The following OLA1 variants were observed in gnomAD, a reference collection of about 807,000 sequenced individuals.
OLA1 encodes obg-like ATPase 1.
In OLA1, 14 loss-of-function variants were observed where a neutral mutation model predicts 48.4. The observed-to-expected ratio is 0.29, with a 90% confidence interval of 0.19 to 0.45. The LOEUF (loss-of-function observed/expected upper bound fraction) is 0.45, where lower values mean the gene tolerates loss of function less well. OLA1 is among the 20% of genes least tolerant of loss of function. The probability of loss-of-function intolerance (pLI) is 1.00; values close to 1 mark genes in which losing one functional copy is unlikely to be tolerated. For synonymous variants in OLA1, 127 were observed against 150.4 expected (o/e 0.84, Z 1.14); for missense variants, 325 against 467.1 (o/e 0.70, Z 2.80).
chr2:174,237,190 T>A (rs13423892), intron 2 of OLA1, among the ~76,000 whole-genome samples: 6,940 of 152,098 alleles, frequency 0.046, 568 homozygotes, highest in African/African-American at 0.16. Context: ...GTGCTTTTTT[T>A]AAAAACTTTT....
At chr2:174,087,162 G>T (rs889894617) in intron 7 of OLA1, among the ~76,000 whole-genome samples, 1 of 151,774 alleles carries the variant, frequency 6.6e-6, no homozygotes, top group Non-Finnish European at 1.5e-5. Context: ...GAGTAGCTGG[G>T]ATTACAGGTG....
intron 4 of OLA1, among the ~76,000 whole-genome samples, chr2:174,150,088 G>C (rs565651764): frequency 3.2e-4 from 49 of 152,170 alleles, no homozygotes; most frequent in Non-Finnish European, 6.5e-4. Flanking sequence ...TGTGTTCCGC[G>C]AAAGTTCATG....
intron 2 of OLA1, among the ~76,000 whole-genome samples, chr2:174,237,999 T>C (rs2105463029): frequency 6.6e-6 from 1 of 152,320 alleles, no homozygotes; most frequent in Non-Finnish European, 1.5e-5. Flanking sequence ...GGGACCTCCG[T>C]CATATATGCA....
At chr2:174,185,094 CA>C (rs1264755960) in intron 4 of OLA1, among the ~76,000 whole-genome samples, 1 of 152,144 alleles carries the variant, frequency 6.6e-6, no homozygotes, top group Non-Finnish European at 1.5e-5. Flanking sequence ...TAGTCATTCA[CA>C]GATTCAGGTA....
intron 5 of OLA1, among the ~76,000 whole-genome samples, chr2:174,133,492 C>G (rs185691613): frequency 3.9e-5 from 6 of 152,340 alleles, no homozygotes; most frequent in South Asian, 2.1e-4. Flanking sequence ...TTCCAAGTAG[C>G]TGGGATTACA....
intron 7 of OLA1, among the ~76,000 whole-genome samples, chr2:174,086,905 C>T (rs1310700521): frequency 6.6e-6 from 1 of 152,116 alleles, no homozygotes; most frequent in Non-Finnish European, 1.5e-5. Context: ...ATATTAGCTC[C>T]GTTTTCTCTG....
At chr2:174,157,023 A>G (rs1164973074) in intron 4 of OLA1, among the ~76,000 whole-genome samples, 1 of 152,148 alleles carries the variant, frequency 6.6e-6, no homozygotes, top group Non-Finnish European at 1.5e-5. Flanking sequence ...CTAAAAAAAA[A>G]AAAAAATGAA....
chr2:174,116,698 T>C (rs1030466810), intron 7 of OLA1, among the ~76,000 whole-genome samples: 1 of 152,136 alleles, frequency 6.6e-6, no homozygotes, highest in Non-Finnish European at 1.5e-5. Flanking sequence ...GATATTTGCA[T>C]GGGTATCTTT....
intron 7 of OLA1, among the ~76,000 whole-genome samples, chr2:174,121,277 T>G (rs1458617992): frequency 6.6e-6 from 1 of 152,174 alleles, no homozygotes; most frequent in Admixed American, 6.5e-5. Context: ...CCATTCCCTA[T>G]CACACAATAT....
intron 7 of OLA1, among the ~76,000 whole-genome samples, chr2:174,112,845 A>T (rs896272170): frequency 6.6e-6 from 1 of 152,222 alleles, no homozygotes; most frequent in Non-Finnish European, 1.5e-5. Flanking sequence ...AGTCTGTGGT[A>T]TCTGTTACAG....
chr2:174,145,461 A>G (rs1686570925), intron 4 of OLA1, among the ~76,000 whole-genome samples: 3 of 152,120 alleles, frequency 2.0e-5, no homozygotes, highest in Admixed American at 2.0e-4. Flanking sequence ...AATTCAGAGG[A>G]CAGACTACAC....
chr2:174,156,698 C>T (rs957439833), intron 4 of OLA1, among the ~76,000 whole-genome samples: 1 of 151,110 alleles, frequency 6.6e-6, no homozygotes, highest in Non-Finnish European at 1.5e-5. Flanking sequence ...CATTCTCCTG[C>T]CTCAGCCTCC....
intron 8 of OLA1, 103 bp from the exon 9 acceptor site, chr2:174,081,351 G>A (rs1242096177): frequency 1.4e-5 from 11 of 774,566 alleles, no homozygotes; most frequent in South Asian, 4.8e-5. Context: ...GTTAAAGATA[G>A]TAGTAAATGA....
intron 4 of OLA1, among the ~76,000 whole-genome samples, chr2:174,169,441 A>C (rs866479893): frequency 6.6e-6 from 1 of 152,262 alleles, no homozygotes; most frequent in Non-Finnish European, 1.5e-5. Flanking sequence ...AAAGAAGCAA[A>C]AAAAGTTTCA....
chr2:174,073,378 A>G lies in OLA1; in HGVS notation c.*2048T>C, dbSNP rs986167925. 9 of 152,190 alleles carry G rather than the reference A, an allele frequency of 5.9e-5. No homozygotes were observed. The highest frequency in any genetic ancestry group is 1.3e-4 in the Non-Finnish European group (9 of 68,014). The allele number at this position is 152,190 out of a possible 1,614,324, so 9.4% of individuals were successfully genotyped here. ...AAAAATATTTACATAACATCCTAAA[A>G]TATATTAACTTTATCAATATTAAAG... On this transcript the variant is annotated 3_prime_UTR_variant, in exon 11 of 11. Coordinates refer to ENST00000284719, the MANE Select transcript of OLA1 (RefSeq NM_013341.5).
intron 2 of OLA1, among the ~76,000 whole-genome samples, chr2:174,243,338 G>T (rs1276866647): frequency 1.3e-5 from 2 of 152,180 alleles, no homozygotes; most frequent in African/African-American, 2.4e-5. Flanking sequence ...CTGAGGAGTA[G>T]GGACTGCTTG....
intron 4 of OLA1, 25 bp downstream of exon 4, chr2:174,223,008 T>G: frequency 6.3e-7 from 1 of 1,585,394 alleles, no homozygotes; most frequent in Non-Finnish European, 8.6e-7. Context: ...ATGAAATCAA[T>G]GATTAAATAA....
intron 4 of OLA1, among the ~76,000 whole-genome samples, chr2:174,166,608 T>C (rs947696891): frequency 6.6e-6 from 1 of 152,200 alleles, no homozygotes; most frequent in Admixed American, 6.5e-5. Flanking sequence ...CTATTACTAC[T>C]ATAGCACGGT....
intron 4 of OLA1, among the ~76,000 whole-genome samples, chr2:174,167,401 C>T (rs1304754912): frequency 6.6e-6 from 1 of 152,154 alleles, no homozygotes; most frequent in African/African-American, 2.4e-5. Flanking sequence ...CATGGTGAAA[C>T]CCTGTCTCTA....
Sources: gnomAD v4.1 joint callset for allele counts (sites outside exome capture counted in the v4.1 genomes callset) on GRCh38, gnomAD v4.1.1 for gene constraint, MANE v1.5 for transcripts, NCBI Gene and HGNC (gene_info 2026-07-23, HGNC 2026-07-21) for gene names.